Variants in BICC1 observed in about 807,000 individuals in gnomAD.
BICC1 encodes the protein protein bicaudal C homolog 1.
A neutral mutation model predicts 111.0 loss-of-function variants in BICC1; 43 were observed. The ratio of observed to expected loss-of-function variants is 0.39; its 90% CI spans 0.30 to 0.50. The LOEUF is 0.50. Ranked by LOEUF, BICC1 falls within the 20% of genes least tolerant of loss-of-function variation. The pLI is 0.88. For missense variants in BICC1, 1,091 were observed against 1,203.2 expected, an observed-to-expected ratio of 0.91 and a Z score of 1.38; for synonymous variants, 467 against 434.4, an observed-to-expected ratio of 1.07 and a Z score of -0.93.
At chr10:58,805,325 C>G (rs1241695238) in intron 15 of BICC1, among the ~76,000 whole-genome samples, 1 of 151,756 alleles carries the variant, frequency 6.6e-6, no homozygotes, top group Admixed American at 6.6e-5. Context: ...AAAAAAACTG[C>G]AAGTCATCGA....
intron 1 of BICC1, among the ~76,000 whole-genome samples, chr10:58,551,621 C>A (rs901299585): frequency 3.3e-5 from 5 of 152,076 alleles, no homozygotes; most frequent in African/African-American, 1.2e-4. Flanking sequence ...ATTTTGTATC[C>A]TTTGACCAAC....
chr10:58,820,841 A>G (rs1844232120), intron 20 of BICC1, among the ~76,000 whole-genome samples: 1 of 152,136 alleles, frequency 6.6e-6, no homozygotes, highest in Non-Finnish European at 1.5e-5. Context: ...TTATGTTTCA[A>G]ATGTTTGTGT....
intron 2 of BICC1, among the ~76,000 whole-genome samples, chr10:58,622,823 A>G (rs1845863406): frequency 2.0e-5 from 3 of 152,204 alleles, no homozygotes; most frequent in African/African-American, 7.2e-5. Flanking sequence ...ATGCAGTCAC[A>G]TGTATTCTAG....
At chr10:58,781,662 A>G (rs1842887541) in intron 3 of BICC1, among the ~76,000 whole-genome samples, 1 of 152,138 alleles carries the variant, frequency 6.6e-6, no homozygotes, top group African/African-American at 2.4e-5. Flanking sequence ...TTTCTCTGTC[A>G]AGTATTTGCA....
intron 2 of BICC1, among the ~76,000 whole-genome samples, chr10:58,658,025 G>GT (rs58171520): frequency 7.9e-5 from 12 of 152,144 alleles, no homozygotes; most frequent in Admixed American, 2.6e-4. Flanking sequence ...TCCACTAGTG[G>GT]TAACTGTGAT....
chr10:58,673,052 G>A (rs1462231083), intron 2 of BICC1, among the ~76,000 whole-genome samples: 2 of 152,136 alleles, frequency 1.3e-5, no homozygotes, highest in Non-Finnish European at 2.9e-5. Flanking sequence ...CTGTGTGTTT[G>A]TCTTTCTAGC....
At chr10:58,717,556 C>G (rs868765689) in intron 3 of BICC1, among the ~76,000 whole-genome samples, 13 of 152,186 alleles carry the variant, frequency 8.5e-5, no homozygotes, top group Non-Finnish European at 1.5e-4. Flanking sequence ...AGAACTTCTT[C>G]TATATAAGCA....
intron 3 of BICC1, among the ~76,000 whole-genome samples, chr10:58,742,090 A>G (rs1404884051): frequency 6.6e-6 from 1 of 152,192 alleles, no homozygotes; most frequent in Non-Finnish European, 1.5e-5. Context: ...TAAAGTTTGG[A>G]TGTTCAATTT....
intron 3 of BICC1, among the ~76,000 whole-genome samples, chr10:58,733,005 A>G (rs1208454391): frequency 8.1e-6 from 1 of 122,812 alleles, no homozygotes; most frequent in Non-Finnish European, 1.7e-5. Context: ...CACGATTTCC[A>G]CAAACCTTAA....
At position 58,751,096 on chromosome 10, in the gene BICC1, G is replaced by A. The variant is rs180981164; in HGVS notation, c.308-33905G>A. ...GAAGATGCACACACCCAAATCAATA[G>A]CCATAGAAGGATAGCAGTTCTGCAA... On this transcript the variant is annotated intron_variant, in intron 3 of 20. Transcript: ENST00000373886. 7.9e-3 allele frequency among the ~76,000 whole-genome samples: 1,195 copies of A among 152,224 alleles called. 7 individuals are homozygous for A. Among genetic ancestry groups the A allele is most frequent in the Non-Finnish European group, 0.011 (767 of 68,002 alleles).
rs1317052282 is a variant in BICC1, at chr10:58,684,356, C to T, written c.238-17718C>T. ...TTCTCTTTTTTTTGTTGTGTCTCTG[C>T]CAGGCTTTGGTATCAGGATGATGCT... On this transcript the variant is annotated intron_variant, in intron 2 of 20. Transcript: ENST00000373886. 2.0e-5 allele frequency among the ~76,000 whole-genome samples: 3 copies of T among 152,104 alleles called. No individual in the cohort carries two copies. The East Asian group carries it at 5.8e-4, about 29-fold the overall frequency.
chr10:58,563,433 C>T (rs1163468587), intron 1 of BICC1, among the ~76,000 whole-genome samples: 1 of 152,138 alleles, frequency 6.6e-6, no homozygotes, highest in Non-Finnish European at 1.5e-5. Context: ...CGGAGGCTAC[C>T]TCTTACCTTT....
intron 3 of BICC1, among the ~76,000 whole-genome samples, chr10:58,717,383 T>C (rs1237515929): frequency 2.0e-5 from 3 of 151,850 alleles, no homozygotes; most frequent in Admixed American, 2.0e-4. Context: ...CAGCTTCATA[T>C]TGAAGCTGAG....
chr10:58,682,646 T>C (rs1839570303), intron 2 of BICC1, among the ~76,000 whole-genome samples: 1 of 151,686 alleles, frequency 6.6e-6, no homozygotes, highest in African/African-American at 2.4e-5. Flanking sequence ...TCATGTGTCA[T>C]GTGTCTGTTT....
At chr10:58,693,825 G>C (rs1839988305) in intron 2 of BICC1, among the ~76,000 whole-genome samples, 1 of 152,166 alleles carries the variant, frequency 6.6e-6, no homozygotes, top group African/African-American at 2.4e-5. Flanking sequence ...TGTTCACTCT[G>C]ATGGTAGTTT....
chr10:58,709,347 A>G (rs1050650101), intron 3 of BICC1, among the ~76,000 whole-genome samples: 1 of 152,200 alleles, frequency 6.6e-6, no homozygotes, highest in African/African-American at 2.4e-5. Flanking sequence ...TATTTCAGTA[A>G]GGGTATTGTT....
chr10:58,636,467 T>C (rs777031334), intron 2 of BICC1, among the ~76,000 whole-genome samples: 54 of 152,088 alleles, frequency 3.6e-4, no homozygotes, highest in Non-Finnish European at 6.3e-4. Flanking sequence ...CACAAAAAGA[T>C]CCTATGGGTG....
At chr10:58,826,490 G>T (rs1020285473) in intron 20 of BICC1, among the ~76,000 whole-genome samples, 1 of 152,234 alleles carries the variant, frequency 6.6e-6, no homozygotes, top group Non-Finnish European at 1.5e-5. Context: ...GGTGGCTCAT[G>T]CCTGTAATCC....
chr10:58,591,690 A>G (rs999016786), intron 1 of BICC1, among the ~76,000 whole-genome samples: 3 of 152,208 alleles, frequency 2.0e-5, no homozygotes, highest in African/African-American at 7.2e-5. Context: ...GATTTAGGAG[A>G]TGCAGTGAGA....
Sources: gnomAD v4.1 joint callset for allele counts (sites outside exome capture counted in the v4.1 genomes callset) on GRCh38, gnomAD v4.1.1 for gene constraint, MANE v1.5 for transcripts, NCBI Gene and HGNC (gene_info 2026-07-23, HGNC 2026-07-21) for gene names.